UMAD1: variants seen among roughly 807,000 people sequenced by gnomAD.
The protein encoded by UMAD1 is UBAP1-MVB12-associated (UMA) domain containing 1.
UMAD1 carries 8 observed loss-of-function variants against 6.1 expected under a neutral mutation model. That is an observed-to-expected ratio of 1.30 (90% CI 0.76 to 2.35). The LOEUF (loss-of-function observed/expected upper bound fraction) is 2.35. UMAD1 is among the 30% of genes most tolerant of loss of function. The pLI, the probability that UMAD1 is intolerant of heterozygous loss-of-function variation, is 0.00. For synonymous variants in UMAD1, 56 were observed against 31.4 expected, an observed-to-expected ratio of 1.78 and a Z score of -2.61; for missense variants, 130 against 78.4, an observed-to-expected ratio of 1.66 and a Z score of -2.49.
chr7:7,739,304 G>A (rs977677241), intron 2 of UMAD1, among the ~76,000 whole-genome samples: 1 of 152,144 alleles, frequency 6.6e-6, no homozygotes, highest in African/African-American at 2.4e-5. Flanking sequence ...TCATTACCTT[G>A]CCTGGTCCCT....
chr7:7,868,934 G>C (rs1261951287), intron 3 of UMAD1, among the ~76,000 whole-genome samples: 1 of 152,152 alleles, frequency 6.6e-6, no homozygotes, highest in Non-Finnish European at 1.5e-5. Flanking sequence ...CATTTAATGA[G>C]CACTTTGTAT....
At chr7:7,800,932 G>A (rs1490472237) in intron 2 of UMAD1, among the ~76,000 whole-genome samples, 1 of 152,174 alleles carries the variant, frequency 6.6e-6, no homozygotes, top group Non-Finnish European at 1.5e-5. Flanking sequence ...GTCTGATTAT[G>A]CTTCAAAGAA....
chr7:7,665,738 T>G (rs1204591409), intron 1 of UMAD1, among the ~76,000 whole-genome samples: 1 of 152,122 alleles, frequency 6.6e-6, no homozygotes. Context: ...TTTCTTTCAC[T>G]GTACACTAGT....
At chr7:7,644,118 C>A (rs888240015) in intron 1 of UMAD1, among the ~76,000 whole-genome samples, 2 of 152,058 alleles carry the variant, frequency 1.3e-5, no homozygotes, top group Admixed American at 6.5e-5. Flanking sequence ...GGAGTTTTTT[C>A]CCCCAATTTG....
intron 3 of UMAD1, among the ~76,000 whole-genome samples, chr7:7,819,837 C>G (rs962217296): frequency 6.6e-5 from 10 of 152,120 alleles, no homozygotes; most frequent in African/African-American, 2.4e-4. Context: ...AGCAGACCAT[C>G]CCATTTATTT....
intron 3 of UMAD1, among the ~76,000 whole-genome samples, chr7:7,852,389 A>G (rs1403333760): frequency 6.6e-6 from 1 of 151,992 alleles, no homozygotes; most frequent in Non-Finnish European, 1.5e-5. Context: ...TTTTCGAGAT[A>G]GTGTCAGATC....
intron 2 of UMAD1, among the ~76,000 whole-genome samples, chr7:7,776,869 C>A (rs1013038944): frequency 1.3e-5 from 2 of 151,638 alleles, no homozygotes; most frequent in Non-Finnish European, 2.9e-5. Flanking sequence ...AAAAGCCTTC[C>A]TCCAACATCT....
At chr7:7,671,749 G>T (rs1237613907) in intron 1 of UMAD1, among the ~76,000 whole-genome samples, 1 of 151,624 alleles carries the variant, frequency 6.6e-6, no homozygotes, top group Non-Finnish European at 1.5e-5. Flanking sequence ...TTTTTCACCA[G>T]TTTCATTAGA....
chr7:7,691,185 T>C (rs1563126346), intron 2 of UMAD1, among the ~76,000 whole-genome samples: 1 of 152,184 alleles, frequency 6.6e-6, no homozygotes, highest in Non-Finnish European at 1.5e-5. Flanking sequence ...ATTCCAAAAT[T>C]TTCCTTAAAT....
chr7:7,727,481 G>A (rs1435471517), intron 2 of UMAD1, among the ~76,000 whole-genome samples: 1 of 152,150 alleles, frequency 6.6e-6, no homozygotes, highest in Non-Finnish European at 1.5e-5. Context: ...AGTTCAAGTT[G>A]ACAAGGAGTG....
intron 3 of UMAD1, among the ~76,000 whole-genome samples, chr7:7,842,818 A>G (rs568514775): frequency 6.6e-6 from 1 of 152,278 alleles, no homozygotes; most frequent in African/African-American, 2.4e-5. Flanking sequence ...AGCACCTGTG[A>G]TATGCCAGCC....
chr7:7,823,371 C>T (rs541315343), intron 3 of UMAD1, among the ~76,000 whole-genome samples: 1 of 152,100 alleles, frequency 6.6e-6, no homozygotes, highest in Non-Finnish European at 1.5e-5. Context: ...GTATGTTTGT[C>T]TTGTGCAATA....
intron 1 of UMAD1, among the ~76,000 whole-genome samples, chr7:7,669,141 T>C (rs1447975838): frequency 4.6e-5 from 7 of 152,122 alleles, no homozygotes; most frequent in Non-Finnish European, 1.0e-4. Flanking sequence ...GGGGAACCTT[T>C]TGTATAGGAA....
intron 2 of UMAD1, among the ~76,000 whole-genome samples, chr7:7,789,351 G>GTAATATATAAGTTATAATA (rs376765034): frequency 6.6e-6 from 1 of 152,048 alleles, no homozygotes; most frequent in African/African-American, 2.4e-5. Flanking sequence ...TGTGAATATG[G>GTAATATATAAGTTATAATA]AGTAGAGACT....
intron 2 of UMAD1, among the ~76,000 whole-genome samples, chr7:7,675,927 C>G (rs564095013): frequency 1.3e-5 from 2 of 152,300 alleles, no homozygotes; most frequent in South Asian, 2.1e-4. Flanking sequence ...CATTTCCCCC[C>G]AGGTGCAAAG....
At chr7:7,828,329 C>A (rs79855481) in intron 3 of UMAD1, among the ~76,000 whole-genome samples, 8,102 of 152,198 alleles carry the variant, frequency 0.053, 256 homozygotes, top group Middle Eastern at 0.1. Flanking sequence ...ATATAGCTCT[C>A]CCTATTTGAG....
At chr7:7,763,276 G>T (rs1203724118) in intron 2 of UMAD1, among the ~76,000 whole-genome samples, 1 of 152,082 alleles carries the variant, frequency 6.6e-6, no homozygotes, top group Non-Finnish European at 1.5e-5. Context: ...ATTTTAGCCT[G>T]TATTTTAGAT....
At chr7:7,692,486 T>C (rs1780195070) in intron 2 of UMAD1, 2 of 152,240 alleles carry the variant, frequency 1.3e-5, no homozygotes, top group South Asian at 2.1e-4. Context: ...TTTATATTCA[T>C]ACAGTCTTTG....
intron 1 of UMAD1, among the ~76,000 whole-genome samples, chr7:7,664,450 A>G (rs1405913669): frequency 6.6e-6 from 1 of 152,206 alleles, no homozygotes; most frequent in Non-Finnish European, 1.5e-5. Flanking sequence ...CACTCTGAAT[A>G]TGCTGACACT....
Sources: gnomAD v4.1 joint callset for allele counts (sites outside exome capture counted in the v4.1 genomes callset) on GRCh38, gnomAD v4.1.1 for gene constraint, MANE v1.5 for transcripts, NCBI Gene and HGNC (gene_info 2026-07-23, HGNC 2026-07-21) for gene names.